The following EIF2AK4 variants were observed in gnomAD, a reference collection of about 807,000 sequenced individuals.
The protein encoded by EIF2AK4 is eukaryotic translation initiation factor 2 alpha kinase 4.
Under a neutral mutation model 211.1 loss-of-function variants are expected in EIF2AK4, and 139 were observed. The ratio of observed to expected loss-of-function variants is 0.66; its 90% CI spans 0.57 to 0.76. The LOEUF is 0.76. Ranked by LOEUF, EIF2AK4 falls within the 30% of genes least tolerant of loss-of-function variation. EIF2AK4 has a pLI of 0.00. For missense variants in EIF2AK4, 1,664 were observed against 2,043.8 expected (o/e 0.81, Z 3.58); for synonymous variants, 710 against 751.3 (o/e 0.94, Z 0.90).
chr15:39,988,776 G>A (rs912094894), intron 15 of EIF2AK4, among the ~76,000 whole-genome samples: 3 of 152,102 alleles, frequency 2.0e-5, no homozygotes, highest in South Asian at 2.1e-4. Context: ...CAAGATGGGC[G>A]GATCACTTGA....
At chr15:40,008,639 G>T (rs1205281367) in intron 25 of EIF2AK4, among the ~76,000 whole-genome samples, 1 of 151,948 alleles carries the variant, frequency 6.6e-6, no homozygotes, top group East Asian at 1.9e-4. Flanking sequence ...TGTCATTCCT[G>T]CCACCGTCAG....
intron 32 of EIF2AK4, among the ~76,000 whole-genome samples, chr15:40,025,710 G>A (rs951181057): frequency 1.1e-4 from 17 of 152,242 alleles, no homozygotes; most frequent in Middle Eastern, 3.4e-3. Context: ...CAACAGCAGC[G>A]CTGTTCACAT....
chr15:40,000,757 A>G (rs2035078826), intron 20 of EIF2AK4, among the ~76,000 whole-genome samples: 1 of 152,196 alleles, frequency 6.6e-6, no homozygotes, highest in Admixed American at 6.5e-5. Context: ...ACAATAAGGT[A>G]TAAAAACAAG....
intron 18 of EIF2AK4, among the ~76,000 whole-genome samples, chr15:39,996,646 G>A (rs1005703707): frequency 6.6e-5 from 10 of 152,166 alleles, no homozygotes. Flanking sequence ...AGGAGGCAGA[G>A]GTTGCAGTGA....
rs760327048 is a variant in EIF2AK4, at chr15:40,017,220, C to A, written c.4043C>A (p.Ala1348Asp). ...RQRAVPEILA[A>D]GGRYDLLIPQ... is the part of the protein sequence containing the mutation. ...AGGGCTGTACCTGAAATCCTCGCAG[C>A]TGGAGGCAGATATGACCTGCTGGTG... Residue 1348 changes from alanine (A) to aspartate (D), a missense_variant, in exon 29 of 39, where the codon GCT becomes GAT. Around this residue, in one of 7 missense-constraint regions of EIF2AK4, gnomAD observed 622 missense variants for 796.8 expected, o/e 0.78. Coordinates refer to ENST00000263791, the MANE Select transcript of EIF2AK4 (RefSeq NM_001013703.4). 1 of 1,613,670 alleles carries A rather than the reference C, an allele frequency of 6.2e-7. No individual in the cohort carries two copies. The highest frequency in any genetic ancestry group is 8.5e-7 in the Non-Finnish European group (1 of 1,179,652).
chr15:39,938,873 A>G (rs1313373485), intron 1 of EIF2AK4, among the ~76,000 whole-genome samples: 4 of 152,234 alleles, frequency 2.6e-5, no homozygotes, highest in South Asian at 4.1e-4. Context: ...TATAATATGA[A>G]CTACTTCAAA....
At chr15:39,952,632 A>G (rs1403598830) in intron 4 of EIF2AK4, among the ~76,000 whole-genome samples, 2 of 152,000 alleles carry the variant, frequency 1.3e-5, no homozygotes, top group South Asian at 2.1e-4. Context: ...CTTCCTACAG[A>G]TATTACTATT....
chr15:39,972,874 G>T (rs781412433), intron 9 of EIF2AK4, 34 bp from the exon 10 acceptor site: 61 of 1,557,336 alleles, frequency 3.9e-5, no homozygotes, highest in Non-Finnish European at 5.2e-5. Context: ...CTGATTGTTT[G>T]TGATGCTAAG....
At chr15:39,953,526 G>A (rs1312893790) in intron 4 of EIF2AK4, among the ~76,000 whole-genome samples, 2 of 152,176 alleles carry the variant, frequency 1.3e-5, no homozygotes, top group East Asian at 1.9e-4. Context: ...GACCCCCATG[G>A]CAGAGAGCAG....
intron 35 of EIF2AK4, among the ~76,000 whole-genome samples, chr15:40,031,234 T>C (rs2035539043): frequency 1.3e-5 from 2 of 152,182 alleles, no homozygotes; most frequent in African/African-American, 2.4e-5. Context: ...AGCAAGACTT[T>C]GTCTCAAAAT....
chr15:39,994,608 G>T lies in EIF2AK4; in HGVS notation c.2766+1760G>T, dbSNP rs140755388. 3.4e-3 allele frequency among the ~76,000 whole-genome samples: 514 copies of T among 152,260 alleles called. 3 individuals carry two copies. Among genetic ancestry groups the T allele is most frequent in the Middle Eastern group, 0.02 (6 of 294 alleles). On this transcript the variant is annotated intron_variant, in intron 18 of 38. Transcript: ENST00000263791. ...TGGGCAACGGAGCAAGACCCTGTCT[G>T]AATCAATTATATATGTGTAAAATAA...
intron 30 of EIF2AK4, 107 bp downstream of exon 30, chr15:40,019,307 T>C (rs2035351985): frequency 1.2e-6 from 1 of 817,930 alleles, no homozygotes. Flanking sequence ...GTGAAAGCTA[T>C]AGACGTAGGG....
At chr15:40,032,062 T>G (rs1333727590) in intron 35 of EIF2AK4, 107 bp from the exon 36 acceptor site, 21 of 972,948 alleles carry the variant, frequency 2.2e-5, no homozygotes, top group Non-Finnish European at 3.3e-5. Flanking sequence ...GAATCCTTTC[T>G]AGGCTTTGGT....
intron 5 of EIF2AK4, among the ~76,000 whole-genome samples, chr15:39,955,207 G>A (rs963026387): frequency 2.0e-5 from 3 of 151,994 alleles, no homozygotes; most frequent in African/African-American, 7.3e-5. Flanking sequence ...AAGATTCTAA[G>A]CATTTTCATT....
intron 1 of EIF2AK4, among the ~76,000 whole-genome samples, chr15:39,936,942 GA>G (rs929455755): frequency 2.0e-5 from 3 of 152,070 alleles, no homozygotes; most frequent in Non-Finnish European, 4.4e-5. Context: ...ATTCAGGTTA[GA>G]TTTTTTTTTC....
intron 37 of EIF2AK4, among the ~76,000 whole-genome samples, chr15:40,033,674 T>C (rs1363487420): frequency 6.6e-6 from 1 of 152,244 alleles, no homozygotes; most frequent in Admixed American, 6.5e-5. Flanking sequence ...ACTGGCAGTG[T>C]ACTGATTTAT....
chr15:40,023,887 C>T (rs1016840692), intron 32 of EIF2AK4, among the ~76,000 whole-genome samples: 7 of 152,176 alleles, frequency 4.6e-5, no homozygotes, highest in African/African-American at 1.7e-4. Context: ...TGACAAACTA[C>T]ACCTTGGACC....
chr15:39,940,608 G>A (rs935222003), intron 2 of EIF2AK4, among the ~76,000 whole-genome samples: 1 of 151,834 alleles, frequency 6.6e-6, no homozygotes, highest in Admixed American at 6.6e-5. Flanking sequence ...ATTAATTAAC[G>A]AAACGTTAAT....
chr15:39,938,117 G>A (rs2034093671), intron 1 of EIF2AK4, among the ~76,000 whole-genome samples: 2 of 152,228 alleles, frequency 1.3e-5, no homozygotes, highest in Middle Eastern at 3.4e-3. Context: ...CTCTAAGCTT[G>A]TACTTATGTG....
Sources: gnomAD v4.1 joint callset for allele counts (sites outside exome capture counted in the v4.1 genomes callset) on GRCh38, gnomAD v4.1.1 for gene constraint, gnomAD v4.1.1 regional missense constraint, MANE v1.5 for transcripts, NCBI Gene and HGNC (gene_info 2026-07-23, HGNC 2026-07-21) for gene names.